The following STYXL2 variants were observed in gnomAD, a reference collection of about 807,000 sequenced individuals.
STYXL2 encodes the protein serine/threonine/tyrosine-interacting-like protein 2.
In STYXL2, 44 loss-of-function variants were observed where a neutral mutation model predicts 52.4. The observed-to-expected ratio is 0.84, with a 90% confidence interval of 0.66 to 1.08. The LOEUF (loss-of-function observed/expected upper bound fraction) is 1.08, where lower values mean the gene tolerates loss of function less well. Ranked by LOEUF, STYXL2 falls within the 50% of genes least tolerant of loss-of-function variation. The pLI, the probability that STYXL2 is intolerant of heterozygous loss-of-function variation, is 0.00. For synonymous variants in STYXL2, 604 were observed against 586.9 expected, an observed-to-expected ratio of 1.03 and a Z score of -0.42; for missense variants, 1,604 against 1,471.7, an observed-to-expected ratio of 1.09 and a Z score of -1.47.
rs1558029536 is a variant in STYXL2 at position 167,128,558 on chromosome 1, CGCCG to C, written c.3430_3433del (p.Arg1144LysfsTer20). The C allele has an allele frequency of 1.2e-5, 19 of 1,613,458 alleles. No individual in the cohort carries two copies. Among genetic ancestry groups the C allele is most frequent in the Non-Finnish European group, 1.6e-5 (19 of 1,179,988 alleles). ...TGAAGCCATCATTGCTGCTTGGAGA[CGCCG>C]GCAAGAAGAAACCAGGACCAAGCTG... On this transcript the variant is annotated frameshift_variant, in exon 6 of 6. Transcript: ENST00000361200. LOFTEE classifies it high-confidence loss of function.
chr1:167,128,212 C>A lies in STYXL2; in HGVS notation c.3081C>A (p.Asn1027Lys). 2 of 1,614,176 alleles carry A rather than the reference C, an allele frequency of 1.2e-6. No homozygotes were observed. The highest frequency in any genetic ancestry group is 1.7e-6 in the Non-Finnish European group (2 of 1,180,034). The change falls in exon 6 of 6, where the codon AAC (asparagine) becomes AAA (lysine). Residue 1027 changes from asparagine to lysine, a missense_variant. Physicochemically the swap from Asn to Lys is moderately conservative, Grantham distance 94. Coordinates refer to ENST00000361200, the MANE Select transcript of STYXL2 (RefSeq NM_001080426.3). Reference sequence around the variant, plus strand: ...ACAAGTTCTCCAGGTCCACGTACAACGAGACCTCAAGTTCCCGAGAGGAGA... The same window carrying A: ...ACAAGTTCTCCAGGTCCACGTACAAAGAGACCTCAAGTTCCCGAGAGGAGA... ...EMHKFSRSTY[N>K]ETSSSREESP...
intron 5 of STYXL2, among the ~76,000 whole-genome samples, chr1:167,124,946 T>TAAA (rs10531474): frequency 9.3e-5 from 12 of 129,692 alleles, no homozygotes; most frequent in Admixed American, 6.4e-4. Flanking sequence ...TACAAACTCC[T>TAAA]AAAAAAAAAA....
intron 2 of STYXL2, among the ~76,000 whole-genome samples, chr1:167,107,828 T>A (rs1363477687): frequency 6.6e-6 from 1 of 152,158 alleles, no homozygotes; most frequent in Non-Finnish European, 1.5e-5. Context: ...TCACATCTGA[T>A]AGAAGTGCCA....
intron 2 of STYXL2, among the ~76,000 whole-genome samples, chr1:167,108,127 T>C (rs369536673): frequency 2.0e-5 from 3 of 152,092 alleles, no homozygotes; most frequent in Admixed American, 6.5e-5. Flanking sequence ...ATCCCCTAGG[T>C]TGTATGTGGA....
Position 167,128,422 on chromosome 1 carries a change from A to C in STYXL2, c.3291A>C (p.Glu1097Asp). The change falls in exon 6 of 6, where the codon GAA (glutamate) becomes GAC (aspartate). Residue 1097 changes from glutamate (E) to aspartate (D), a missense_variant. Transcript: ENST00000361200. ...KFTQSFMRSE[E>D]EGEKERTENR... is the part of the protein sequence containing the mutation. The stretch of plus-strand genomic sequence containing the variant: ...CCCAGAGCTTTATGAGGTCTGAAGA[A>C]GAGGGAGAGAAAGAGAGGACAGAAA... 1 of 1,614,126 alleles carries C rather than the reference A, an allele frequency of 6.2e-7. No individual in the cohort carries two copies. The highest frequency in any genetic ancestry group is 2.2e-5 in the East Asian group (1 of 44,864).
chr1:167,114,840 C>G (rs997106670), intron 3 of STYXL2, among the ~76,000 whole-genome samples: 1 of 151,774 alleles, frequency 6.6e-6, no homozygotes, highest in African/African-American at 2.4e-5. Context: ...TGCCCACTAA[C>G]CCAGGCAGTG....
chr1:167,095,696 A>G (rs1389774683), intron 2 of STYXL2, among the ~76,000 whole-genome samples: 10 of 152,234 alleles, frequency 6.6e-5, no homozygotes, highest in Non-Finnish European at 1.5e-4. Flanking sequence ...TTCTTCTGTC[A>G]TAAATCATAA....
At chr1:167,097,167 A>G (rs1440060513) in intron 2 of STYXL2, among the ~76,000 whole-genome samples, 1 of 152,112 alleles carries the variant, frequency 6.6e-6, no homozygotes, top group South Asian at 2.1e-4. Flanking sequence ...TTGCTTGTCC[A>G]TTATCCTCCA....
Position 167,126,043 on chromosome 1 carries a change from G to A in STYXL2, c.912G>A (p.Met304Ile), listed in dbSNP as rs926528718. 3.8e-6 allele frequency: 6 copies of A among 1,584,752 alleles called. No individual in the cohort carries two copies. The highest frequency in any genetic ancestry group is 1.8e-5 in the Admixed American group (1 of 56,870). Residue 304 changes from methionine (M) to isoleucine (I), a missense_variant, in exon 6 of 6, where the codon ATG becomes ATA. Coordinates refer to ENST00000361200, the MANE Select transcript of STYXL2 (RefSeq NM_001080426.3). ...AGGAGGGCGAGGGCACTGGGAGCATGCTCGGGGCCAGAGTGCACGCCCTGA... is the reference window on the plus strand; with the variant it reads ...AGGAGGGCGAGGGCACTGGGAGCATACTCGGGGCCAGAGTGCACGCCCTGA... ...EAEEGEGTGS[M>I]LGARVHALTV...
At position 167,126,368 on chromosome 1, in the gene STYXL2, A is replaced by AGGGAGGAGG. The variant is rs781317499; in HGVS notation, c.1238_1246dup (p.Glu415_Glu416insGlyGluGlu). On this transcript the variant is annotated inframe_insertion, in exon 6 of 6. Transcript: ENST00000361200. ...AGCAGAAGGGTACCGGAGGTGGGGA[A>AGGGAGGAGG]GGGAGGAGGAGAAGGAGGAGGAGAG... is the stretch of plus-strand genomic sequence containing the variant. 1 of 1,545,578 alleles carries AGGGAGGAGG rather than the reference A, an allele frequency of 6.5e-7. No homozygotes were observed. Among genetic ancestry groups the AGGGAGGAGG allele is most frequent in the African/African-American group, 1.4e-5 (1 of 72,896 alleles).
chr1:167,110,445 G>T (rs1667594634), intron 2 of STYXL2, among the ~76,000 whole-genome samples: 1 of 152,008 alleles, frequency 6.6e-6, no homozygotes, highest in Non-Finnish European at 1.5e-5. Context: ...ACCAGAGAAA[G>T]GTGAAAATCA....
In STYXL2 at chr1:167,128,519, G is replaced by A; in HGVS notation, c.3388G>A (p.Glu1130Lys). 2 of 1,613,994 alleles carry A rather than the reference G, an allele frequency of 1.2e-6. No homozygotes were observed. Among genetic ancestry groups the A allele is most frequent in the South Asian group, 1.1e-5 (1 of 91,076 alleles). Reference sequence around the variant, plus strand: ...GAGAAGCACTGACAGGGAGGAAGAGGAAGAAATGGACGATGAAGCCATCAT... The same window carrying A: ...GAGAAGCACTGACAGGGAGGAAGAGAAAGAAATGGACGATGAAGCCATCAT... ...YRRSTDREEE[E>K]EMDDEAIIAA... Residue 1130 changes from glutamate (E) to lysine (K), a missense_variant, in exon 6 of 6, where the codon GAA becomes AAA. Coordinates refer to ENST00000361200, the MANE Select transcript of STYXL2 (RefSeq NM_001080426.3).
At chr1:167,111,856 T>C (rs1314821069) in intron 2 of STYXL2, among the ~76,000 whole-genome samples, 1 of 152,072 alleles carries the variant, frequency 6.6e-6, no homozygotes, top group Non-Finnish European at 1.5e-5. Context: ...AACATGTCCA[T>C]GTAACCAAAC....
Position 167,117,524 on chromosome 1 carries a change from G to A in STYXL2, c.402G>A (p.Val134=). 6.2e-7 allele frequency: 1 copy of A among 1,608,382 alleles called. No homozygotes were observed. Among genetic ancestry groups the A allele is most frequent in the Non-Finnish European group, 8.5e-7 (1 of 1,177,340 alleles). Reference sequence around the variant, plus strand: ...GCCAAGAGGCGCCCTGGAATGAGGTGGATGAGGTCTGGCCCAATGTCTTCA... The same window carrying A: ...GCCAAGAGGCGCCCTGGAATGAGGTAGATGAGGTCTGGCCCAATGTCTTCA... ...QDRQEAPWNE[V]DEVWPNVFIA... The change falls in exon 4 of 6, where the codon GTG becomes GTA. Residue 134 remains valine (V), a synonymous_variant. Transcript: ENST00000361200.
chr1:167,121,911 A>G (rs1293979858), intron 5 of STYXL2, among the ~76,000 whole-genome samples: 1 of 152,114 alleles, frequency 6.6e-6, no homozygotes, highest in Non-Finnish European at 1.5e-5. Flanking sequence ...TTCCTACTCC[A>G]CTACAGAGAG....
At chr1:167,105,405 A>G (rs1009737337) in intron 2 of STYXL2, among the ~76,000 whole-genome samples, 3 of 152,184 alleles carry the variant, frequency 2.0e-5, no homozygotes, top group Non-Finnish European at 4.4e-5. Flanking sequence ...TGAGGTATGT[A>G]TCGATCCTAG....
At chr1:167,099,965 T>C (rs1394458499) in intron 2 of STYXL2, among the ~76,000 whole-genome samples, 1 of 152,264 alleles carries the variant, frequency 6.6e-6, no homozygotes, top group Admixed American at 6.5e-5. Context: ...TTTCTGTTGC[T>C]ATAACAGAAT....
intron 2 of STYXL2, among the ~76,000 whole-genome samples, chr1:167,100,145 G>A (rs1667371699): frequency 6.6e-6 from 1 of 152,236 alleles, no homozygotes; most frequent in African/African-American, 2.4e-5. Context: ...GAGCAGGCAT[G>A]TGCAAAAGAG....
intron 2 of STYXL2, among the ~76,000 whole-genome samples, chr1:167,104,446 A>C (rs1162731828): frequency 6.6e-6 from 1 of 151,818 alleles, no homozygotes; most frequent in Non-Finnish European, 1.5e-5. Flanking sequence ...AATTTCTTTA[A>C]CTGTGCTCTC....
Sources: allele counts gnomAD v4.1 joint callset (sites outside exome capture counted in the v4.1 genomes callset), GRCh38; gene constraint gnomAD v4.1.1; transcripts MANE v1.5; gene names NCBI Gene and HGNC (gene_info 2026-07-23, HGNC 2026-07-21).